The following SSH2 variants were observed in gnomAD, a reference collection of about 807,000 sequenced individuals.
SSH2 encodes slingshot protein phosphatase 2, also known as protein phosphatase Slingshot homolog 2.
In SSH2, 37 loss-of-function variants were observed where a neutral mutation model predicts 135.2. The ratio of observed to expected loss-of-function variants is 0.27; its 90% CI spans 0.21 to 0.36. The LOEUF is 0.36. SSH2 is among the 10% of genes least tolerant of loss of function. The pLI is 1.00. For synonymous variants in SSH2, 628 were observed against 646.2 expected, an observed-to-expected ratio of 0.97 and a Z score of 0.43; for missense variants, 1,408 against 1,765.3, an observed-to-expected ratio of 0.80 and a Z score of 3.63.
chr17:29,650,224 A>T (rs905979270), intron 13 of SSH2, among the ~76,000 whole-genome samples: 5 of 152,262 alleles, frequency 3.3e-5, no homozygotes, highest in Admixed American at 6.5e-5. Context: ...TATCATAAAA[A>T]TAAAGTAAGA....
intron 1 of SSH2, among the ~76,000 whole-genome samples, chr17:29,853,321 G>C (rs145743980): frequency 6.6e-5 from 10 of 151,640 alleles, no homozygotes; most frequent in Non-Finnish European, 1.3e-4. Context: ...TCCTGACCTT[G>C]TGATCTGCCC....
At chr17:29,887,164 G>A (rs2066254360) in intron 1 of SSH2, among the ~76,000 whole-genome samples, 1 of 151,968 alleles carries the variant, frequency 6.6e-6, no homozygotes, top group South Asian at 2.1e-4. Flanking sequence ...TGCCTATAGA[G>A]GATATTTTGT....
intron 1 of SSH2, among the ~76,000 whole-genome samples, chr17:29,898,549 C>G (rs1008738955): frequency 1.3e-5 from 2 of 151,708 alleles, no homozygotes; most frequent in South Asian, 2.1e-4. Context: ...ATAAATTCCT[C>G]GACACATACA....
Position 29,770,725 on chromosome 17 carries a change from G to A in SSH2, c.188+23169C>T, listed in dbSNP as rs943677141. On this transcript the variant is annotated intron_variant, in intron 3 of 15. Transcript: ENST00000540801. ...TGACCTCAGATGATCTGCCCACCTC[G>A]GCCTCCTAAAGTGCTGGGATGACAG... Among the ~76,000 whole-genome samples, 10 of 152,148 alleles carry A rather than the reference G, an allele frequency of 6.6e-5. No individual in the cohort carries two copies. The South Asian group carries it at 8.3e-4, about 13-fold the overall frequency.
intron 1 of SSH2, among the ~76,000 whole-genome samples, chr17:29,879,052 T>A (rs1355049513): frequency 6.6e-6 from 1 of 152,222 alleles, no homozygotes; most frequent in Non-Finnish European, 1.5e-5. Context: ...ACATCTCATG[T>A]CTGTACATTT....
intron 15 of SSH2, among the ~76,000 whole-genome samples, chr17:29,634,473 G>T (rs747349320): frequency 3.0e-4 from 45 of 152,326 alleles, no homozygotes; most frequent in Non-Finnish European, 4.9e-4. Context: ...GTTTGAGATG[G>T]CTTGTAAGAG....
At position 29,667,242 on chromosome 17, in the gene SSH2, C is replaced by T. The variant is rs987285226; in HGVS notation, c.810-19G>A. On this transcript the variant is annotated intron_variant, in intron 9 of 15. Coordinates refer to ENST00000540801, the MANE Select transcript of SSH2 (RefSeq NM_001282129.2). ...AGTAGGTCTGAGAAGAGAGAAATAA[C>T]GATTATTCTTAAACGATATTCTTAA... is the stretch of plus-strand genomic sequence containing the variant. 1.1e-5 allele frequency: 16 copies of T among 1,433,040 alleles called. No individual in the cohort carries two copies. The highest frequency in any genetic ancestry group is 1.5e-5 in the Non-Finnish European group (15 of 1,027,112). The allele number at this position is 1,433,040 out of a possible 1,614,324, so 88.8% of individuals were successfully genotyped here.
intron 3 of SSH2, among the ~76,000 whole-genome samples, chr17:29,739,370 C>G (rs1394291043): frequency 6.6e-6 from 1 of 152,116 alleles, no homozygotes; most frequent in Admixed American, 6.5e-5. Flanking sequence ...CAACAACAGC[C>G]CCTGCCTTTT....
intron 2 of SSH2, among the ~76,000 whole-genome samples, chr17:29,798,195 G>A (rs2151309883): frequency 6.6e-6 from 1 of 151,800 alleles, no homozygotes; most frequent in East Asian, 1.9e-4. Context: ...TTTCTTTTTT[G>A]AGAAAGTCTT....
rs1273519865 is a variant in SSH2 at position 29,636,132 on chromosome 17, G to A, written c.2098C>T (p.His700Tyr). ...CCACCCAGTTCCTCCATCCTTGAAT[G>A]GGAAAAAGATCGTGACCGGGTTTCT... ...SQETRSRSFSHSRMEELGGGR... is the reference protein window; with the variant it reads ...SQETRSRSFSYSRMEELGGGR... Residue 700 changes from histidine (H) to tyrosine (Y), a missense_variant, in exon 15 of 16, where the codon CAT becomes TAT. His to Tyr is a moderately conservative substitution (Grantham distance 83). This residue lies in a region of SSH2 where 1,080 missense variants were observed against 1,144.5 expected (regional missense o/e 0.94). Coordinates refer to ENST00000540801, the MANE Select transcript of SSH2 (RefSeq NM_001282129.2). The A allele has an allele frequency of 2.5e-6, 4 of 1,614,170 alleles. No individual in the cohort carries two copies. The South Asian group carries it at 3.3e-5, about 13-fold the overall frequency.
chr17:29,705,187 A>AT (rs2039147581), intron 3 of SSH2, among the ~76,000 whole-genome samples: 1 of 152,158 alleles, frequency 6.6e-6, no homozygotes, highest in African/African-American at 2.4e-5. Flanking sequence ...ACTTTCAAAT[A>AT]TATCTTGAAC....
intron 14 of SSH2, chr17:29,641,842 C>T (rs548397243): frequency 4.0e-5 from 6 of 151,782 alleles, no homozygotes; most frequent in African/African-American, 4.8e-5. Context: ...GGAGTACTTG[C>T]GCCTGTAATC....
At chr17:29,842,086 T>A (rs904746448) in intron 2 of SSH2, among the ~76,000 whole-genome samples, 2 of 151,596 alleles carry the variant, frequency 1.3e-5, no homozygotes, top group Non-Finnish European at 2.9e-5. Flanking sequence ...TGGAAGCATT[T>A]AAAAAAATAC....
intron 3 of SSH2, among the ~76,000 whole-genome samples, chr17:29,708,607 A>C (rs1329114634): frequency 8.3e-5 from 11 of 133,042 alleles, no homozygotes; most frequent in South Asian, 5.0e-4. Flanking sequence ...AAAAAAAAAA[A>C]CAAACAAAAA....
chr17:29,661,556 T>C (rs967771551), intron 11 of SSH2, among the ~76,000 whole-genome samples: 1 of 152,200 alleles, frequency 6.6e-6, no homozygotes, highest in Non-Finnish European at 1.5e-5. Flanking sequence ...TGGGAGGCTC[T>C]GAAGGCTCTG....
At chr17:29,759,708 A>G (rs991449095) in intron 3 of SSH2, among the ~76,000 whole-genome samples, 1 of 152,202 alleles carries the variant, frequency 6.6e-6, no homozygotes, top group African/African-American at 2.4e-5. Context: ...TTCACTTAGA[A>G]TAGTATCTTC....
At chr17:29,790,308 GCTCT>G (rs2042041629) in intron 3 of SSH2, among the ~76,000 whole-genome samples, 1 of 152,112 alleles carries the variant, frequency 6.6e-6, no homozygotes, top group Non-Finnish European at 1.5e-5. Flanking sequence ...ACCAGAACGT[GCTCT>G]CTCTTTCTTT....
At chr17:29,774,556 C>T (rs541743682) in intron 3 of SSH2, among the ~76,000 whole-genome samples, 1 of 152,130 alleles carries the variant, frequency 6.6e-6, no homozygotes, top group Non-Finnish European at 1.5e-5. Flanking sequence ...TAAGCCACTG[C>T]ACCCAGCTTA....
At chr17:29,741,473 A>T (rs2040550483) in intron 3 of SSH2, among the ~76,000 whole-genome samples, 1 of 152,218 alleles carries the variant, frequency 6.6e-6, no homozygotes, top group Non-Finnish European at 1.5e-5. Context: ...ATTGAATATG[A>T]ATCAGTCTTA....
Sources: gnomAD v4.1 joint callset for allele counts (sites outside exome capture counted in the v4.1 genomes callset) on GRCh38, gnomAD v4.1.1 for gene constraint, gnomAD v4.1.1 regional missense constraint, MANE v1.5 for transcripts, NCBI Gene and HGNC (gene_info 2026-07-23, HGNC 2026-07-21) for gene names.